The following PLCXD2 variants were observed in gnomAD, a reference collection of about 807,000 sequenced individuals.
PLCXD2 encodes phosphatidylinositol specific phospholipase C X domain containing 2, also known as PI-PLC X domain-containing protein 2.
A neutral mutation model predicts 28.6 loss-of-function variants in PLCXD2; 21 were observed. The ratio of observed to expected loss-of-function variants is 0.73; its 90% CI spans 0.52 to 1.06. The LOEUF (loss-of-function observed/expected upper bound fraction) is 1.06. Among genes scored for constraint, PLCXD2 ranks in the 50% least tolerant of loss-of-function variants. The pLI, the probability that PLCXD2 is intolerant of heterozygous loss-of-function variation, is 0.00. For synonymous variants in PLCXD2, 140 were observed against 150.1 expected (o/e 0.93, Z 0.49); for missense variants, 369 against 376.7 (o/e 0.98, Z 0.17).
rs543191894 is a variant in PLCXD2 at position 111,707,553 on chromosome 3, G to A, written c.164-373G>A. Among the ~76,000 whole-genome samples the A allele has an allele frequency of 2.0e-5, 3 of 152,266 alleles. No individual in the cohort carries two copies. The South Asian group carries it at 6.2e-4, about 32-fold the overall frequency. On this transcript the variant is annotated intron_variant, in intron 1 of 4. Transcript: ENST00000477665. ...CTTTGGCAGACATCTTTGTTTTCCTGAATGTTAGAGTTTATTTCCTCAGAA... is the reference window on the plus strand; with the variant it reads ...CTTTGGCAGACATCTTTGTTTTCCTAAATGTTAGAGTTTATTTCCTCAGAA...
At chr3:111,698,132 A>G (rs1036562618) in intron 1 of PLCXD2, among the ~76,000 whole-genome samples, 1 of 152,230 alleles carries the variant, frequency 6.6e-6, no homozygotes, top group African/African-American at 2.4e-5. Flanking sequence ...GTATCATCCA[A>G]ATAAAAGATG....
Position 111,675,266 on chromosome 3 carries a change from C to A in PLCXD2, c.21C>A (p.Ala7=), listed in dbSNP as rs577721124. The A allele has an allele frequency of 1.4e-5, 22 of 1,614,034 alleles. No homozygotes were observed. In the Admixed American group the frequency reaches 3.7e-4, roughly 27 times the overall value. Residue 7 remains alanine (A), a synonymous_variant, in exon 1 of 5, where the codon GCC becomes GCA. Transcript: ENST00000477665. ...CAGGGATGCTAGCAGTTAGGAAGGC[C>A]AGGAGGAAACTCAGGATGGGGACCA...
intron 2 of PLCXD2, among the ~76,000 whole-genome samples, chr3:111,712,047 G>C (rs556339085): frequency 3.3e-5 from 5 of 152,012 alleles, no homozygotes; most frequent in Non-Finnish European, 7.4e-5. Context: ...AGAGGTTGGG[G>C]GGAGAGGGAG....
At chr3:111,697,324 T>G (rs1259920453) in intron 1 of PLCXD2, among the ~76,000 whole-genome samples, 1 of 152,184 alleles carries the variant, frequency 6.6e-6, no homozygotes. Flanking sequence ...TGAGTGAGAA[T>G]GTCTTCTAAG....
At chr3:111,689,032 T>C (rs1401802990) in intron 1 of PLCXD2, among the ~76,000 whole-genome samples, 1 of 150,772 alleles carries the variant, frequency 6.6e-6, no homozygotes, top group Non-Finnish European at 1.5e-5. Context: ...TATACAAGAG[T>C]TCAAATAAAG....
At chr3:111,676,336 A>G (rs1203701813) in intron 1 of PLCXD2, among the ~76,000 whole-genome samples, 2 of 152,190 alleles carry the variant, frequency 1.3e-5, no homozygotes, top group Admixed American at 1.3e-4. Flanking sequence ...CTACCAGACA[A>G]ACTCCCAAGT....
Position 111,722,661 on chromosome 3 carries a change from T to C in PLCXD2, c.866+8533T>C, listed in dbSNP as rs549999551. The C allele has an allele frequency of 8.5e-5, 13 of 152,280 alleles. No individual in the cohort carries two copies. The South Asian group carries it at 2.7e-3, about 32-fold the overall frequency. 9.4% of individuals were successfully genotyped at this position (152,280 alleles called of 1,614,324 possible). A position where few individuals can be genotyped will look rare whatever the true frequency, so the allele number is the denominator to read the frequency against. On this transcript the variant is annotated intron_variant, in intron 3 of 4. Transcript: ENST00000477665. ...ATATAAACATGGAGTCCCGAATGGA[T>C]GTATGCATTTATAAAGATTGTCAGA...
intron 3 of PLCXD2, 42 bp downstream of exon 3, chr3:111,714,170 A>G: frequency 6.3e-7 from 1 of 1,593,922 alleles, no homozygotes; most frequent in Non-Finnish European, 8.5e-7. Flanking sequence ...CTTTTTAAAA[A>G]ATATTTATCT....
At chr3:111,683,142 A>G (rs548980871) in intron 1 of PLCXD2, among the ~76,000 whole-genome samples, 19 of 152,316 alleles carry the variant, frequency 1.2e-4, no homozygotes, top group African/African-American at 4.3e-4. Context: ...CCAATACCCA[A>G]TTCTGTTACT....
At chr3:111,690,799 C>T (rs1379454012) in intron 1 of PLCXD2, among the ~76,000 whole-genome samples, 1 of 152,190 alleles carries the variant, frequency 6.6e-6, no homozygotes, top group Non-Finnish European at 1.5e-5. Flanking sequence ...TTCTCTGTAT[C>T]TCATTCTCCA....
intron 3 of PLCXD2, among the ~76,000 whole-genome samples, chr3:111,718,851 G>A (rs1576465442): frequency 1.3e-5 from 2 of 152,184 alleles, no homozygotes; most frequent in East Asian, 3.9e-4. Flanking sequence ...TATGCTGCCT[G>A]TGGTAGTTTA....
intron 1 of PLCXD2, among the ~76,000 whole-genome samples, chr3:111,702,097 G>A (rs1441901546): frequency 6.6e-6 from 1 of 152,154 alleles, no homozygotes; most frequent in Admixed American, 6.6e-5. Flanking sequence ...TGGGACTGAA[G>A]TCTCTGAAGG....
chr3:111,721,633 C>T lies in PLCXD2; in HGVS notation c.866+7505C>T, dbSNP rs571700108. The T allele has an allele frequency of 1.2e-4, 18 of 152,280 alleles. No homozygotes were observed. The South Asian group carries it at 2.7e-3, about 23-fold the overall frequency. The allele number at this position is 152,280 out of a possible 1,614,324, so 9.4% of individuals were successfully genotyped here. ...GAACAATGATGGGAGATCTTTTTAG[C>T]GTGGGGCCCAACAAGAGATAGATAT... On this transcript the variant is annotated intron_variant, in intron 3 of 4. Transcript: ENST00000477665.
Position 111,710,168 on chromosome 3 carries a change from G to A in PLCXD2, c.624+1782G>A, listed in dbSNP as rs556866460. ...TCTAAATGTCTTCGACACCACGGAGGCTTCATGAGTTAACTCTTAGTATCT... is the reference window on the plus strand; with the variant it reads ...TCTAAATGTCTTCGACACCACGGAGACTTCATGAGTTAACTCTTAGTATCT... On this transcript the variant is annotated intron_variant, in intron 2 of 4. Transcript: ENST00000477665. Among the ~76,000 whole-genome samples the A allele has an allele frequency of 2.3e-3, 344 of 152,270 alleles. 2 individuals are homozygous for A. Among genetic ancestry groups the A allele is most frequent in the African/African-American group, 7.7e-3 (322 of 41,554 alleles).
At position 111,707,914 on chromosome 3, in the gene PLCXD2, T is replaced by A. The variant is rs761605290; in HGVS notation, c.164-12T>A. On this transcript the variant is annotated splice_polypyrimidine_tract_variant and intron_variant, in intron 1 of 4. Transcript: ENST00000477665. ...TCTCATCTGCTTTCCTCACCTGTATTCCTTTGTACAGGCTCACATGATTCA... is the reference window on the plus strand; with the variant it reads ...TCTCATCTGCTTTCCTCACCTGTATACCTTTGTACAGGCTCACATGATTCA... 1 of 1,600,656 alleles carries A rather than the reference T, an allele frequency of 6.2e-7. No homozygotes were observed. The highest frequency in any genetic ancestry group is 1.1e-5 in the South Asian group (1 of 89,450).
intron 1 of PLCXD2, among the ~76,000 whole-genome samples, chr3:111,692,111 G>C (rs1332049385): frequency 6.6e-6 from 1 of 152,098 alleles, no homozygotes; most frequent in Non-Finnish European, 1.5e-5. Context: ...GCGCGATCTC[G>C]GCTCACTGCA....
intron 3 of PLCXD2, chr3:111,723,947 T>A (rs1448990951): frequency 6.6e-6 from 1 of 152,220 alleles, no homozygotes; most frequent in Non-Finnish European, 1.5e-5. Flanking sequence ...CACAGAATTT[T>A]AGGTCATATT....
At position 111,684,632 on chromosome 3, in the gene PLCXD2, C is replaced by T. The variant is rs967722974; in HGVS notation, c.163+9224C>T. On this transcript the variant is annotated intron_variant, in intron 1 of 4. Transcript: ENST00000477665. ...TCATGCCATTGCACTCCAGCCTGGG[C>T]GACGGAACAAAACTCCGTCTTAAAA... Among the ~76,000 whole-genome samples the T allele has an allele frequency of 2.0e-5, 3 of 150,482 alleles. No homozygotes were observed. The East Asian group carries it at 5.8e-4, about 29-fold the overall frequency.
At position 111,702,662 on chromosome 3, in the gene PLCXD2, A is replaced by ACAAAC. The variant is rs1321291941; in HGVS notation, c.164-5264_164-5263insCAAAC. ...AGCTGTTTGCTGACCTTATCATAAA[A>ACAAAC]TAAACTGCTATCCCTACCAATTCCC... On this transcript the variant is annotated intron_variant, in intron 1 of 4. Coordinates refer to ENST00000477665, the MANE Select transcript of PLCXD2 (RefSeq NM_001185106.1). Among the ~76,000 whole-genome samples, 379 of 152,292 alleles carry ACAAAC rather than the reference A, an allele frequency of 2.5e-3. 2 individuals are homozygous for ACAAAC. The highest frequency in any genetic ancestry group is 8.6e-3 in the African/African-American group (357 of 41,552).
Sources: gnomAD v4.1 joint callset for allele counts (sites outside exome capture counted in the v4.1 genomes callset) on GRCh38, gnomAD v4.1.1 for gene constraint, MANE v1.5 for transcripts, NCBI Gene and HGNC (gene_info 2026-07-23, HGNC 2026-07-21) for gene names.